The following GRB10 variants were observed in gnomAD, a reference collection of about 807,000 sequenced individuals.
The protein encoded by GRB10 is growth factor receptor-bound protein 10.
Under a neutral mutation model 80.9 loss-of-function variants are expected in GRB10, and 20 were observed. The ratio of observed to expected loss-of-function variants is 0.25; its 90% confidence interval spans 0.17 to 0.36. GRB10 has a LOEUF of 0.36. GRB10 is among the 10% of genes least tolerant of loss of function. GRB10 has a pLI of 1.00. For synonymous variants in GRB10, 291 were observed against 291.5 expected (o/e 1.00, Z 0.02); for missense variants, 548 against 747.7 (o/e 0.73, Z 3.12).
intron 4 of GRB10, among the ~76,000 whole-genome samples, chr7:50,710,709 C>G (rs961086431): frequency 6.6e-6 from 1 of 152,180 alleles, no homozygotes; most frequent in Admixed American, 6.5e-5. Context: ...GCTGGTTAGT[C>G]TTGGGACTCA....
chr7:50,712,376 G>C (rs1325497556), intron 4 of GRB10, among the ~76,000 whole-genome samples: 1 of 152,194 alleles, frequency 6.6e-6, no homozygotes, highest in Non-Finnish European at 1.5e-5. Context: ...AAAAGCCTGA[G>C]ATGGGGGAAA....
At chr7:50,709,672 G>A (rs2065591599) in intron 4 of GRB10, among the ~76,000 whole-genome samples, 1 of 150,944 alleles carries the variant, frequency 6.6e-6, no homozygotes, top group Non-Finnish European at 1.5e-5. Flanking sequence ...TGTGGATTAA[G>A]GGCTGGAGGT....
intron 17 of GRB10, among the ~76,000 whole-genome samples, chr7:50,600,456 T>A (rs1033562739): frequency 6.6e-6 from 1 of 151,838 alleles, no homozygotes; most frequent in South Asian, 2.1e-4. Context: ...TACCCAGCAG[T>A]GAGGATAAAT....
intron 4 of GRB10, among the ~76,000 whole-genome samples, chr7:50,722,667 T>C (rs1278527404): frequency 6.6e-6 from 1 of 151,658 alleles, no homozygotes; most frequent in Non-Finnish European, 1.5e-5. Flanking sequence ...GGATGGACTA[T>C]GGGGGAGAAT....
intron 2 of GRB10, among the ~76,000 whole-genome samples, chr7:50,780,288 C>A (rs1374902339): frequency 1.3e-5 from 2 of 152,132 alleles, no homozygotes; most frequent in African/African-American, 4.8e-5. Context: ...CATGGCCATG[C>A]CCACTACCAG....
chr7:50,709,390 G>C (rs924798831), intron 4 of GRB10, among the ~76,000 whole-genome samples: 1 of 152,178 alleles, frequency 6.6e-6, no homozygotes, highest in African/African-American at 2.4e-5. Context: ...GCGGCCGAGG[G>C]AGCCAGGCCA....
chr7:50,677,122 C>T (rs2153644658), intron 5 of GRB10, among the ~76,000 whole-genome samples: 1 of 152,168 alleles, frequency 6.6e-6, no homozygotes, highest in South Asian at 2.1e-4. Flanking sequence ...GCAAGCAGGG[C>T]CCTGTGTGCC....
At chr7:50,685,479 A>G (rs1008917833) in intron 5 of GRB10, among the ~76,000 whole-genome samples, 2 of 152,096 alleles carry the variant, frequency 1.3e-5, no homozygotes, top group Non-Finnish European at 2.9e-5. Context: ...GGGGTACTGG[A>G]GCCCGAAGGA....
chr7:50,625,398 A>G (rs188111549), intron 8 of GRB10, among the ~76,000 whole-genome samples: 2 of 152,034 alleles, frequency 1.3e-5, no homozygotes, highest in Admixed American at 1.3e-4. Flanking sequence ...ATATATATAT[A>G]TTTTTTCATA....
chr7:50,713,890 T>C (rs1235755916), intron 4 of GRB10, among the ~76,000 whole-genome samples: 3 of 151,536 alleles, frequency 2.0e-5, no homozygotes, highest in African/African-American at 7.3e-5. Flanking sequence ...CTCCTCCTCC[T>C]CCACTACCTA....
At chr7:50,670,638 T>C (rs1437109529) in intron 6 of GRB10, among the ~76,000 whole-genome samples, 2 of 151,980 alleles carry the variant, frequency 1.3e-5, no homozygotes, top group African/African-American at 4.8e-5. Flanking sequence ...GTTTGATCAG[T>C]GAATACCTGA....
chr7:50,593,937 T>C (rs1353163648), intron 18 of GRB10, among the ~76,000 whole-genome samples: 1 of 151,898 alleles, frequency 6.6e-6, no homozygotes, highest in African/African-American at 2.4e-5. Context: ...ACTTGTAGGA[T>C]TTGGGCATTA....
rs182486845 is a variant in GRB10 at position 50,695,203 on chromosome 7, A to C, written c.139+8618T>G. Among the ~76,000 whole-genome samples the C allele has an allele frequency of 6.6e-5, 10 of 152,344 alleles. No homozygotes were observed. In the East Asian group the frequency reaches 1.9e-3, roughly 29 times the overall value. On this transcript the variant is annotated intron_variant, in intron 5 of 18. Coordinates refer to ENST00000401949, the MANE Select transcript of GRB10 (RefSeq NM_001350814.2). ...AAAATACTCAGAGTGAAATAAGTCA[A>C]CTTCCTCAAATTTCAAACTCATCAT... is the stretch of plus-strand genomic sequence containing the variant.
In GRB10 at chr7:50,605,240, G is replaced by A. The variant is rs144095533; in HGVS notation, c.1389+50C>T. ...CTCTGGGAGAAGACCACGTGGTGGGGCTACCACCTTGAGGGTGCCCCTCCA... is the reference window on the plus strand; with the variant it reads ...CTCTGGGAGAAGACCACGTGGTGGGACTACCACCTTGAGGGTGCCCCTCCA... On this transcript the variant is annotated intron_variant, in intron 15 of 18. Coordinates refer to ENST00000401949, the MANE Select transcript of GRB10 (RefSeq NM_001350814.2). 214 of 1,395,436 alleles carry A rather than the reference G, an allele frequency of 1.5e-4. 2 individuals are homozygous for A. In the African/African-American group the frequency reaches 2.6e-3, roughly 17 times the overall value. The allele number at this position is 1,395,436 out of a possible 1,614,324, so 86.4% of individuals were successfully genotyped here.
intron 8 of GRB10, among the ~76,000 whole-genome samples, chr7:50,625,634 A>G (rs2052738791): frequency 6.6e-6 from 1 of 152,220 alleles, no homozygotes; most frequent in African/African-American, 2.4e-5. Flanking sequence ...TGGCAGGAGA[A>G]AGCTGTTAGT....
At chr7:50,709,054 C>A (rs2065469005) in intron 4 of GRB10, among the ~76,000 whole-genome samples, 1 of 152,168 alleles carries the variant, frequency 6.6e-6, no homozygotes, top group South Asian at 2.1e-4. Flanking sequence ...GAGAGGGCAG[C>A]CAAGCTCCTT....
At chr7:50,720,086 C>T (rs978101638) in intron 4 of GRB10, among the ~76,000 whole-genome samples, 1 of 152,126 alleles carries the variant, frequency 6.6e-6, no homozygotes, top group Non-Finnish European at 1.5e-5. Flanking sequence ...TAAAGAAACA[C>T]GGTTTCCTAC....
At chr7:50,789,627 A>G (rs2153716866) in intron 1 of GRB10, among the ~76,000 whole-genome samples, 1 of 152,300 alleles carries the variant, frequency 6.6e-6, no homozygotes, top group Non-Finnish European at 1.5e-5. Flanking sequence ...CAAAAAGTCC[A>G]CTCTGTTGCT....
At chr7:50,679,111 TTAA>T (rs770027774) in intron 5 of GRB10, among the ~76,000 whole-genome samples, 3 of 152,248 alleles carry the variant, frequency 2.0e-5, no homozygotes, top group Admixed American at 1.3e-4. Flanking sequence ...AATCATGTTA[TTAA>T]TAGTTATTTT....
Sources: gnomAD v4.1 joint callset for allele counts (sites outside exome capture counted in the v4.1 genomes callset) on GRCh38, gnomAD v4.1.1 for gene constraint, MANE v1.5 for transcripts, NCBI Gene and HGNC (gene_info 2026-07-23, HGNC 2026-07-21) for gene names.